The following CCDC171 variants were observed in gnomAD, a reference collection of about 807,000 sequenced individuals.
The protein encoded by CCDC171 is coiled-coil domain-containing protein 171.
CCDC171 carries 177 observed loss-of-function variants against 168.2 expected under a neutral mutation model. The observed-to-expected ratio is 1.05, with a 90% confidence interval of 0.93 to 1.19. The LOEUF is 1.19. Ranked by LOEUF, CCDC171 falls within the 50% of genes most tolerant of loss-of-function variation. The pLI is 0.00. For synonymous variants in CCDC171, 687 were observed against 540.8 expected (o/e 1.27, Z -3.75); for missense variants, 1,991 against 1,539.0 (o/e 1.29, Z -4.91).
chr9:15,987,153 T>C (rs1832016180), intron 3 of CCDC171, among the ~76,000 whole-genome samples: 1 of 152,166 alleles, frequency 6.6e-6, no homozygotes, highest in South Asian at 2.1e-4. Flanking sequence ...ATACACAAAT[T>C]TCAAACTTTT....
At chr9:15,869,592 CTT>C (rs999491927) in intron 23 of CCDC171, among the ~76,000 whole-genome samples, 1 of 150,664 alleles carries the variant, frequency 6.6e-6, no homozygotes, top group African/African-American at 2.4e-5. Flanking sequence ...GTTCCCTTCT[CTT>C]TGTATTTACA....
chr9:15,733,040 C>T (rs529566548), intron 16 of CCDC171, among the ~76,000 whole-genome samples: 7 of 152,066 alleles, frequency 4.6e-5, no homozygotes, highest in South Asian at 4.1e-4. Flanking sequence ...ATTGTGATTT[C>T]GATTTACATT....
intron 3 of CCDC171, among the ~76,000 whole-genome samples, chr9:15,576,172 T>C (rs964485443): frequency 1.5e-4 from 22 of 151,624 alleles, no homozygotes; most frequent in African/African-American, 4.6e-4. Context: ...TATACATGTA[T>C]ATATATTTGT....
intron 3 of CCDC171, among the ~76,000 whole-genome samples, chr9:15,982,378 G>C (rs977845503): frequency 3.9e-5 from 6 of 152,152 alleles, no homozygotes; most frequent in African/African-American, 1.4e-4. Flanking sequence ...GGAAGAGGGA[G>C]ATAATGATAC....
At chr9:15,648,221 T>A (rs2047205072) in intron 7 of CCDC171, among the ~76,000 whole-genome samples, 1 of 152,148 alleles carries the variant, frequency 6.6e-6, no homozygotes, top group Non-Finnish European at 1.5e-5. Context: ...AAACTCTCAA[T>A]AAATTAGGTA....
chr9:15,744,355 C>G lies in CCDC171; in HGVS notation c.2132C>G (p.Ser711Trp). 3 of 1,613,822 alleles carry G rather than the reference C, an allele frequency of 1.9e-6. No individual in the cohort carries two copies. Among genetic ancestry groups the G allele is most frequent in the East Asian group, 2.2e-5 (1 of 44,864 alleles). ...CATGAACAGTTGGTTCTTGAAAATT[C>G]GCACTTCAAAAAACTGTTATCACAG... Reference protein sequence around the residue: ...KSHEQLVLENSHFKKLLSQTQ... With the variant: ...KSHEQLVLENWHFKKLLSQTQ... The change falls in exon 17 of 26, where the codon TCG (serine) becomes TGG (tryptophan). Residue 711 changes from serine (S) to tryptophan (W), a missense_variant. Physicochemically the swap from Ser to Trp is radical, Grantham distance 177. Coordinates refer to ENST00000380701, the MANE Select transcript of CCDC171 (RefSeq NM_173550.4).
At chr9:15,953,811 C>A (rs1038769414) in intron 25 of CCDC171, among the ~76,000 whole-genome samples, 21 of 151,992 alleles carry the variant, frequency 1.4e-4, no homozygotes, top group Admixed American at 1.1e-3. Flanking sequence ...TCCTAGGCTT[C>A]TCTTGTTGAA....
chr9:15,624,211 TAAATA>T (rs929760237), intron 7 of CCDC171, among the ~76,000 whole-genome samples: 4 of 152,150 alleles, frequency 2.6e-5, no homozygotes, highest in African/African-American at 9.7e-5. Flanking sequence ...AGATGATATG[TAAATA>T]AAATGAATAG....
At chr9:15,589,574 G>A (rs940697200) in intron 4 of CCDC171, among the ~76,000 whole-genome samples, 3 of 152,158 alleles carry the variant, frequency 2.0e-5, no homozygotes, top group Admixed American at 6.5e-5. Flanking sequence ...GGTTTATAGT[G>A]GCTTTCTGAT....
intron 3 of CCDC171, among the ~76,000 whole-genome samples, chr9:16,011,765 T>C (rs1000853524): frequency 6.6e-6 from 1 of 152,214 alleles, no homozygotes; most frequent in South Asian, 2.1e-4. Context: ...TCCCAAAGCT[T>C]ACAGTTAATT....
intron 7 of CCDC171, among the ~76,000 whole-genome samples, chr9:15,643,681 C>A (rs2046813831): frequency 6.6e-6 from 1 of 152,132 alleles, no homozygotes; most frequent in Non-Finnish European, 1.5e-5. Flanking sequence ...GTTTTCATCA[C>A]CCCACTAAGA....
chr9:16,064,223 A>T (rs1349608740), downstream of CCDC171, among the ~76,000 whole-genome samples: 6 of 152,208 alleles, frequency 3.9e-5, no homozygotes, highest in Non-Finnish European at 2.9e-5. Context: ...CACTTGATGG[A>T]AAGAAATCCC....
Position 15,779,053 on chromosome 9 carries a change from T to C in CCDC171, c.2984T>C (p.Leu995Ser). ...GAAGTGGAGCGCCGCTCACTACGCT[T>C]AGAGGTCACAGAATTCAAACGAAGT... ...AAEVERRSLR[L>S]EVTEFKRSVN... Residue 995 changes from leucine (L) to serine (S), a missense_variant, in exon 20 of 26, where the codon TTA becomes TCA. Coordinates refer to ENST00000380701, the MANE Select transcript of CCDC171 (RefSeq NM_173550.4). 6.2e-7 allele frequency: 1 copy of C among 1,605,818 alleles called. No homozygotes were observed.
At chr9:15,616,286 A>G (rs1055617021) in intron 6 of CCDC171, among the ~76,000 whole-genome samples, 2 of 151,740 alleles carry the variant, frequency 1.3e-5, no homozygotes, top group Admixed American at 6.6e-5. Context: ...ATGTTTTGCC[A>G]TGTTGCCCAG....
chr9:15,920,785 A>G (rs571354451), intron 25 of CCDC171, among the ~76,000 whole-genome samples: 1 of 151,690 alleles, frequency 6.6e-6, no homozygotes, highest in East Asian at 1.9e-4. Flanking sequence ...TATGCGTATA[A>G]CCAAAATGGT....
chr9:15,552,912 C>A (rs1296829076), upstream of CCDC171, among the ~76,000 whole-genome samples: 1 of 152,170 alleles, frequency 6.6e-6, no homozygotes, highest in African/African-American at 2.4e-5. Context: ...TCAGCGAAGG[C>A]GCGCTGCTTG....
At chr9:15,846,959 G>C (rs2060924905) in intron 22 of CCDC171, 112 bp downstream of exon 22, 7 of 843,138 alleles carry the variant, frequency 8.3e-6, no homozygotes, top group African/African-American at 1.7e-5. Flanking sequence ...CAAAAGTACA[G>C]CTGTCTTTCT....
chr9:15,923,199 G>A (rs1021912948), intron 25 of CCDC171, among the ~76,000 whole-genome samples: 4 of 151,230 alleles, frequency 2.6e-5, no homozygotes, highest in Non-Finnish European at 4.4e-5. Flanking sequence ...TGATATCTGC[G>A]CTCCTATGTT....
At chr9:15,750,290 A>G (rs2055631279) in intron 18 of CCDC171, among the ~76,000 whole-genome samples, 1 of 152,220 alleles carries the variant, frequency 6.6e-6, no homozygotes, top group Non-Finnish European at 1.5e-5. Flanking sequence ...ATCTCTGAAT[A>G]GACCAATAAC....
Sources: allele counts gnomAD v4.1 joint callset (sites outside exome capture counted in the v4.1 genomes callset), GRCh38; gene constraint gnomAD v4.1.1; transcripts MANE v1.5; gene names NCBI Gene and HGNC (gene_info 2026-07-23, HGNC 2026-07-21).